Variants in CSMD3 observed in about 807,000 individuals in gnomAD.
CSMD3 encodes the protein CUB and Sushi multiple domains 3.
Under a neutral mutation model 435.2 loss-of-function variants are expected in CSMD3, and 177 were observed. That is an observed-to-expected ratio of 0.41 (90% CI 0.36 to 0.46). The LOEUF is 0.46. Ranked by LOEUF, CSMD3 falls within the 20% of genes least tolerant of loss-of-function variation. CSMD3 has a pLI of 0.34. For missense variants in CSMD3, 4,265 were observed against 4,504.6 expected (o/e 0.95, Z 1.52); for synonymous variants, 1,656 against 1,520.5 (o/e 1.09, Z -2.07).
intron 10 of CSMD3, among the ~76,000 whole-genome samples, chr8:112,911,700 G>T (rs1003709772): frequency 4.5e-5 from 6 of 134,630 alleles, no homozygotes; most frequent in African/African-American, 1.7e-4. Flanking sequence ...TTAGTTAATT[G>T]TTATGTATGT....
chr8:113,143,698 C>T (rs957888821), intron 4 of CSMD3, among the ~76,000 whole-genome samples: 1 of 151,246 alleles, frequency 6.6e-6, no homozygotes, highest in Non-Finnish European at 1.5e-5. Context: ...AATGTCAATC[C>T]CAAAAAATTA....
At chr8:113,434,249 G>C (rs146459424) in intron 1 of CSMD3, among the ~76,000 whole-genome samples, 16 of 152,158 alleles carry the variant, frequency 1.1e-4, no homozygotes, top group Non-Finnish European at 2.1e-4. Flanking sequence ...GGACCCTCAC[G>C]CTAGTCTAGA....
chr8:112,840,678 A>G (rs2080154611), intron 11 of CSMD3, among the ~76,000 whole-genome samples: 2 of 151,748 alleles, frequency 1.3e-5, no homozygotes, highest in Non-Finnish European at 2.9e-5. Context: ...TCTGAACCCC[A>G]GAAACAATTT....
intron 38 of CSMD3, among the ~76,000 whole-genome samples, chr8:112,362,175 T>A (rs1492678): frequency 0.43 from 65,113 of 151,682 alleles, 14,602 homozygotes; most frequent in Middle Eastern, 0.54. Flanking sequence ...TTTTTCTGGC[T>A]TAAGGTACCT....
At chr8:112,794,860 A>T (rs2078789039) in intron 13 of CSMD3, among the ~76,000 whole-genome samples, 1 of 152,192 alleles carries the variant, frequency 6.6e-6, no homozygotes, top group Admixed American at 6.5e-5. Context: ...TTTGTTAAAA[A>T]AGAAAATGTA....
rs1187393459 is a variant in CSMD3, at chr8:113,153,164, AAGG to A, written c.709+20555_709+20557del. ...GAAGGAAGGAAGGAAGGAAGGAAGG[AAGG>A]AAGGAAAGAAGGAAGGGAGGGAAGG... On this transcript the variant is annotated intron_variant, in intron 4 of 70. Coordinates refer to ENST00000297405, the MANE Select transcript of CSMD3 (RefSeq NM_198123.2). Among the ~76,000 whole-genome samples the A allele has an allele frequency of 5.9e-4, 85 of 144,250 alleles. 2 individuals carry two copies. The highest frequency in any genetic ancestry group is 2.8e-3 in the East Asian group (13 of 4,626). The allele number at this position is 144,250 out of a possible 152,430, so 94.6% of individuals were successfully genotyped here.
intron 13 of CSMD3, among the ~76,000 whole-genome samples, chr8:112,768,493 A>T (rs2078035197): frequency 6.6e-6 from 1 of 151,912 alleles, no homozygotes; most frequent in Non-Finnish European, 1.5e-5. Context: ...CAGAATGTAA[A>T]TCAATGATGT....
At chr8:112,791,663 G>A (rs1335775095) in intron 13 of CSMD3, among the ~76,000 whole-genome samples, 1 of 151,944 alleles carries the variant, frequency 6.6e-6, no homozygotes, top group Non-Finnish European at 1.5e-5. Context: ...TTTCCAGTTT[G>A]TAGAAATTTT....
chr8:112,950,097 A>G (rs1407492883), intron 8 of CSMD3, among the ~76,000 whole-genome samples: 2 of 152,002 alleles, frequency 1.3e-5, no homozygotes, highest in African/African-American at 4.8e-5. Context: ...ATAGTTTCAC[A>G]TACCTTTAGT....
intron 10 of CSMD3, among the ~76,000 whole-genome samples, chr8:112,917,965 C>T (rs750259092): frequency 2.0e-5 from 3 of 151,824 alleles, no homozygotes; most frequent in Non-Finnish European, 2.9e-5. Context: ...CCAAGTTCTG[C>T]CCACATATTA....
In CSMD3 at chr8:112,306,133, A is replaced by T. The variant is rs1821400276; in HGVS notation, c.7945T>A (p.Leu2649Met). The T allele has an allele frequency of 5.6e-6, 9 of 1,613,330 alleles. No individual in the cohort carries two copies. The highest frequency in any genetic ancestry group is 7.6e-6 in the Non-Finnish European group (9 of 1,179,522). Residue 2649 changes from leucine to methionine, a missense_variant, in exon 51 of 71, where the codon TTG (leucine) becomes ATG (methionine). This residue lies in a region of CSMD3 where 3,255 missense variants were observed against 3,380.2 expected (regional missense o/e 0.96). Coordinates refer to ENST00000297405, the MANE Select transcript of CSMD3 (RefSeq NM_198123.2). ...AAATAGGTAACTCGCGTTCCTACCA[A>T]ATAGTCTGTTGTTAGTATTCCTCCA... Reference protein sequence around the residue: ...TNGGILTTDYLVGTRVTYFCN... With the variant: ...TNGGILTTDYMVGTRVTYFCN...
At position 112,265,602 on chromosome 8, in the gene CSMD3, G is replaced by A. The variant is rs1346062271; in HGVS notation, c.9509-12C>T. ...TCCACAACTGATTACTGTCAGTATT[G>A]GATTAGAAGAGCAGATGGTTAATGA... is the stretch of plus-strand genomic sequence containing the variant. On this transcript the variant is annotated splice_polypyrimidine_tract_variant and intron_variant, in intron 59 of 70. Coordinates refer to ENST00000297405, the MANE Select transcript of CSMD3 (RefSeq NM_198123.2). 1 of 1,599,712 alleles carries A rather than the reference G, an allele frequency of 6.3e-7. No homozygotes were observed. The highest frequency in any genetic ancestry group is 8.6e-7 in the Non-Finnish European group (1 of 1,167,278).
intron 5 of CSMD3, among the ~76,000 whole-genome samples, chr8:113,054,033 T>C (rs1468524352): frequency 6.6e-6 from 1 of 152,172 alleles, no homozygotes; most frequent in African/African-American, 2.4e-5. Flanking sequence ...GTTCTTCAAA[T>C]TGATTTCTTA....
At chr8:113,131,019 T>C (rs1469372831) in intron 4 of CSMD3, among the ~76,000 whole-genome samples, 4 of 152,110 alleles carry the variant, frequency 2.6e-5, no homozygotes, top group African/African-American at 9.7e-5. Flanking sequence ...AGGAGCAAAG[T>C]GTTCAAGAAG....
At chr8:112,320,243 T>C (rs1563785417) in intron 45 of CSMD3, among the ~76,000 whole-genome samples, 1 of 152,092 alleles carries the variant, frequency 6.6e-6, no homozygotes, top group South Asian at 2.1e-4. Context: ...AAACACCTTG[T>C]TTTTTTCCTC....
At chr8:112,558,730 G>C (rs935246856) in intron 24 of CSMD3, among the ~76,000 whole-genome samples, 4 of 151,918 alleles carry the variant, frequency 2.6e-5, no homozygotes, top group African/African-American at 9.6e-5. Context: ...AGAGAATTGG[G>C]TTTTGCATTA....
chr8:112,759,649 A>G (rs7825786), intron 13 of CSMD3, among the ~76,000 whole-genome samples: 50,534 of 151,950 alleles, frequency 0.33, 9,265 homozygotes, highest in African/African-American at 0.5. Flanking sequence ...CCCATTCTGT[A>G]TTTGATTAAT....
intron 29 of CSMD3, among the ~76,000 whole-genome samples, chr8:112,504,249 CAA>C (rs1430312438): frequency 1.3e-5 from 2 of 151,970 alleles, no homozygotes; most frequent in Admixed American, 6.6e-5. Context: ...GATTGTAAGA[CAA>C]AGAGTTTAGT....
intron 5 of CSMD3, among the ~76,000 whole-genome samples, chr8:113,048,111 G>A (rs1370777480): frequency 1.5e-5 from 2 of 134,862 alleles, no homozygotes; most frequent in South Asian, 4.6e-4. Flanking sequence ...TTTTGAGACC[G>A]AGACCGAGTC....
Sources: gnomAD v4.1 joint callset for allele counts (sites outside exome capture counted in the v4.1 genomes callset) on GRCh38, gnomAD v4.1.1 for gene constraint, gnomAD v4.1.1 regional missense constraint, MANE v1.5 for transcripts, NCBI Gene and HGNC (gene_info 2026-07-23, HGNC 2026-07-21) for gene names.